Variants in PAN3 observed in about 807,000 individuals in gnomAD.
PAN3 encodes the protein PAN2-PAN3 deadenylation complex subunit PAN3.
A neutral mutation model predicts 96.2 loss-of-function variants in PAN3; 19 were observed. That is an observed-to-expected ratio of 0.20 (90% confidence interval 0.14 to 0.29). The LOEUF (loss-of-function observed/expected upper bound fraction) is 0.29. PAN3 is among the 10% of genes least tolerant of loss of function. The pLI is 1.00. For synonymous variants in PAN3, 433 were observed against 406.6 expected (o/e 1.06, Z -0.78); for missense variants, 882 against 1,108.1 (o/e 0.80, Z 2.90).
chr13:28,171,121 A>G (rs959233470), intron 1 of PAN3, among the ~76,000 whole-genome samples: 13 of 152,112 alleles, frequency 8.5e-5, no homozygotes, highest in South Asian at 4.1e-4. Context: ...AACCAACCAC[A>G]TGACCCAAAA....
chr13:28,178,942 G>T (rs1188999078), intron 4 of PAN3, among the ~76,000 whole-genome samples: 1 of 151,982 alleles, frequency 6.6e-6, no homozygotes, highest in East Asian at 1.9e-4. Flanking sequence ...CCTCAATAAA[G>T]TGGTTTAAAA....
intron 6 of PAN3, among the ~76,000 whole-genome samples, chr13:28,243,158 T>C (rs947899412): frequency 6.6e-6 from 1 of 152,228 alleles, no homozygotes; most frequent in African/African-American, 2.4e-5. Context: ...TACAATGTTA[T>C]AGAGAAGTGC....
At chr13:28,231,412 A>T (rs1882542291) in intron 6 of PAN3, among the ~76,000 whole-genome samples, 1 of 152,234 alleles carries the variant, frequency 6.6e-6, no homozygotes, top group Admixed American at 6.5e-5. Flanking sequence ...GGTTAAATTC[A>T]TCATATAAAT....
At chr13:28,254,705 A>AT (rs138362809) in intron 6 of PAN3, among the ~76,000 whole-genome samples, 14,227 of 151,850 alleles carry the variant, frequency 0.094, 825 homozygotes, top group African/African-American at 0.17. Flanking sequence ...TTGGCTTCAT[A>AT]TTTTTTTTAA....
At chr13:28,215,251 T>A in intron 5 of PAN3, 1 of 710,302 alleles carries the variant, frequency 1.4e-6, no homozygotes, top group East Asian at 2.5e-5. Context: ...GACAAGTCCT[T>A]GCACCAGCCT....
intron 5 of PAN3, among the ~76,000 whole-genome samples, chr13:28,205,325 C>A (rs747878939): frequency 2.0e-5 from 3 of 151,982 alleles, no homozygotes; most frequent in Non-Finnish European, 2.9e-5. Flanking sequence ...GCTGCAGTGG[C>A]CTTTCTGTAA....
chr13:28,200,512 A>G (rs1878569157), intron 5 of PAN3, among the ~76,000 whole-genome samples: 1 of 152,194 alleles, frequency 6.6e-6, no homozygotes, highest in African/African-American at 2.4e-5. Flanking sequence ...TACTGCATTT[A>G]TTCTCTTCAG....
rs201794415 is a variant in PAN3, at chr13:28,270,715, C to G, written c.1807C>G (p.Pro603Ala). The change falls in exon 13 of 19, where the codon CCA (proline) becomes GCA (alanine). Residue 603 changes from proline (P) to alanine (A), a missense_variant. Transcript: ENST00000380958. ...TTGCTGTATAGGTCAGCACGAGGGA[C>G]CATTGCCCAGGCAGCATGCTGGATT... is the stretch of plus-strand genomic sequence containing the variant. ...TKRKWGQHEGPLPRQHAGLLP... is the reference protein window; with the variant it reads ...TKRKWGQHEGALPRQHAGLLP... The G allele has an allele frequency of 1.8e-5, 29 of 1,613,676 alleles. No homozygotes were observed. Among genetic ancestry groups the G allele is most frequent in the Non-Finnish European group, 2.5e-5 (29 of 1,179,790 alleles).
At chr13:28,216,047 T>C in intron 5 of PAN3, 1 of 520,278 alleles carries the variant, frequency 1.9e-6, no homozygotes, top group Middle Eastern at 5.2e-4. Flanking sequence ...GAAAGGAGAA[T>C]GTTTTGTGAA....
chr13:28,207,499 T>C (rs933523297), intron 5 of PAN3, among the ~76,000 whole-genome samples: 1 of 152,212 alleles, frequency 6.6e-6, no homozygotes. Context: ...TTGTTCCTAT[T>C]GAACTATTTG....
intron 4 of PAN3, among the ~76,000 whole-genome samples, chr13:28,191,181 T>C (rs8000679): frequency 0.16 from 24,184 of 152,142 alleles, 3,666 homozygotes; most frequent in African/African-American, 0.4. Flanking sequence ...AGTAAATAAA[T>C]ATTTCCCTTA....
chr13:28,249,982 T>C (rs558064270), intron 6 of PAN3, among the ~76,000 whole-genome samples: 1 of 152,346 alleles, frequency 6.6e-6, no homozygotes, highest in East Asian at 1.9e-4. Flanking sequence ...AACATGTCTC[T>C]CTTTCTTCAT....
At chr13:28,165,042 G>A (rs1263154874) in intron 1 of PAN3, among the ~76,000 whole-genome samples, 2 of 152,136 alleles carry the variant, frequency 1.3e-5, no homozygotes, top group African/African-American at 4.8e-5. Context: ...CGAGTAGCTG[G>A]GACTACAGGC....
At chr13:28,185,783 A>G (rs971619582) in intron 4 of PAN3, among the ~76,000 whole-genome samples, 1 of 152,198 alleles carries the variant, frequency 6.6e-6, no homozygotes, top group Non-Finnish European at 1.5e-5. Flanking sequence ...TGGTAGTTTA[A>G]GTAAAACCAT....
At chr13:28,182,772 G>T (rs546759052) in intron 4 of PAN3, among the ~76,000 whole-genome samples, 9 of 152,050 alleles carry the variant, frequency 5.9e-5, no homozygotes, top group Non-Finnish European at 1.2e-4. Context: ...ACTTTTCTCC[G>T]CTTTCTTCTT....
intron 5 of PAN3, among the ~76,000 whole-genome samples, chr13:28,205,720 G>A (rs1480396910): frequency 6.6e-6 from 1 of 151,962 alleles, no homozygotes; most frequent in East Asian, 1.9e-4. Context: ...ACATGTGCTT[G>A]TAGTCTCAGC....
intron 4 of PAN3, among the ~76,000 whole-genome samples, chr13:28,179,662 C>A (rs527932747): frequency 6.6e-6 from 1 of 151,568 alleles, no homozygotes; most frequent in Admixed American, 6.6e-5. Context: ...CAAGATCATG[C>A]CACTGCACTC....
intron 1 of PAN3, among the ~76,000 whole-genome samples, chr13:28,160,355 A>G (rs1872744513): frequency 6.6e-6 from 1 of 152,206 alleles, no homozygotes; most frequent in Non-Finnish European, 1.5e-5. Flanking sequence ...AACGCTAAGG[A>G]CATGGTTTAG....
intron 5 of PAN3, among the ~76,000 whole-genome samples, chr13:28,209,559 T>A (rs983576979): frequency 6.6e-5 from 10 of 152,356 alleles, no homozygotes; most frequent in African/African-American, 2.4e-4. Context: ...ACAGTCCACA[T>A]GACCAAATCC....
Sources: gnomAD v4.1 joint callset for allele counts (sites outside exome capture counted in the v4.1 genomes callset) on GRCh38, gnomAD v4.1.1 for gene constraint, MANE v1.5 for transcripts, NCBI Gene and HGNC (gene_info 2026-07-23, HGNC 2026-07-21) for gene names.